Variants in ADAMTS6 observed in about 807,000 individuals in gnomAD.
The protein encoded by ADAMTS6 is ADAM metallopeptidase with thrombospondin type 1 motif 6.
Under a neutral mutation model 144.3 loss-of-function variants are expected in ADAMTS6, and 23 were observed. The ratio of observed to expected loss-of-function variants is 0.16; its 90% confidence interval spans 0.11 to 0.23. The LOEUF is 0.23. ADAMTS6 is among the 10% of genes least tolerant of loss of function. ADAMTS6 has a pLI of 1.00. For missense variants in ADAMTS6, 999 were observed against 1,379.6 expected, an observed-to-expected ratio of 0.72 and a Z score of 4.37; for synonymous variants, 444 against 457.5, an observed-to-expected ratio of 0.97 and a Z score of 0.38.
At chr5:65,157,670 C>G (rs1395081885) in intron 24 of ADAMTS6, among the ~76,000 whole-genome samples, 2 of 152,210 alleles carry the variant, frequency 1.3e-5, no homozygotes, top group Non-Finnish European at 2.9e-5. Context: ...GTGCTTCTGA[C>G]AAACTGCCCA....
chr5:65,439,948 G>A (rs1757738866), intron 7 of ADAMTS6, among the ~76,000 whole-genome samples: 1 of 152,134 alleles, frequency 6.6e-6, no homozygotes, highest in South Asian at 2.1e-4. Flanking sequence ...GGGACTACAG[G>A]CATGCGCCAC....
At chr5:65,160,245 G>T (rs902745313) in intron 24 of ADAMTS6, among the ~76,000 whole-genome samples, 4 of 152,060 alleles carry the variant, frequency 2.6e-5, no homozygotes, top group African/African-American at 9.7e-5. Context: ...CTGGAGGAAA[G>T]GGGATCCTCT....
At chr5:65,476,047 T>C (rs1008840088) in intron 1 of ADAMTS6, among the ~76,000 whole-genome samples, 1 of 2,806 alleles carries the variant, frequency 3.6e-4, no homozygotes, top group Non-Finnish European at 6.1e-4. Context: ...CAAAAGATTC[T>C]GACTTCCATC....
intron 4 of ADAMTS6, among the ~76,000 whole-genome samples, chr5:65,456,518 G>C (rs1312138468): frequency 6.6e-6 from 1 of 152,104 alleles, no homozygotes; most frequent in Non-Finnish European, 1.5e-5. Context: ...CTTCTGGACA[G>C]TTGGCCATAT....
At chr5:65,206,277 G>A (rs909700767) in intron 20 of ADAMTS6, among the ~76,000 whole-genome samples, 2 of 152,110 alleles carry the variant, frequency 1.3e-5, no homozygotes, top group Admixed American at 1.3e-4. Flanking sequence ...GATCAATATC[G>A]CTATGTTTCC....
intron 8 of ADAMTS6, 34 bp downstream of exon 8, chr5:65,334,008 A>AC (rs781126422): frequency 2.1e-4 from 274 of 1,320,112 alleles, no homozygotes; most frequent in South Asian, 3.5e-4. Flanking sequence ...AAAAAAAAAA[A>AC]AAAAAAAAAA....
intron 18 of ADAMTS6, 99 bp downstream of exon 18, chr5:65,224,221 A>G: frequency 3.2e-6 from 3 of 940,168 alleles, no homozygotes; most frequent in Non-Finnish European, 5.1e-6. Context: ...CATGAAAGTG[A>G]TCTACCTCAA....
intron 14 of ADAMTS6, among the ~76,000 whole-genome samples, chr5:65,255,371 G>C (rs1356132950): frequency 2.0e-5 from 3 of 152,094 alleles, no homozygotes; most frequent in Non-Finnish European, 1.5e-5. Flanking sequence ...AGCGGACACT[G>C]CACCCAGTGT....
chr5:65,381,529 AT>A (rs748143650), intron 7 of ADAMTS6, among the ~76,000 whole-genome samples: 1,855 of 102,984 alleles, frequency 0.018, 17 homozygotes, highest in East Asian at 0.038. Flanking sequence ...TGCCTGGCTA[AT>A]TTTTTTTTTT....
chr5:65,219,133 C>G (rs80155678), intron 18 of ADAMTS6, among the ~76,000 whole-genome samples: 1 of 152,076 alleles, frequency 6.6e-6, no homozygotes, highest in South Asian at 2.1e-4. Context: ...TTAAACCCAA[C>G]GATATTGATA....
At position 65,192,029 on chromosome 5, in the gene ADAMTS6, A is replaced by C. The variant is rs147972391; in HGVS notation, c.2706-3809T>G. Among the ~76,000 whole-genome samples, 944 of 152,190 alleles carry C rather than the reference A, an allele frequency of 6.2e-3. 4 individuals are homozygous for C. The highest frequency in any genetic ancestry group is 9.3e-3 in the Non-Finnish European group (631 of 67,938). On this transcript the variant is annotated intron_variant, in intron 21 of 24. Coordinates refer to ENST00000381055, the MANE Select transcript of ADAMTS6 (RefSeq NM_197941.4). ...TTTCTATGATTCTTCCTAGGTCTTA[A>C]ATTTTGGAGTTTTATAGATGACTCT...
intron 9 of ADAMTS6, among the ~76,000 whole-genome samples, chr5:65,325,920 G>A (rs546390782): frequency 2.0e-5 from 3 of 152,064 alleles, no homozygotes; most frequent in South Asian, 2.1e-4. Context: ...GAAAAAATCA[G>A]ACATATACAA....
At chr5:65,379,070 G>A (rs1751809724) in intron 7 of ADAMTS6, among the ~76,000 whole-genome samples, 1 of 152,024 alleles carries the variant, frequency 6.6e-6, no homozygotes. Context: ...GAAAACACAG[G>A]TAATCATTTA....
At position 65,423,467 on chromosome 5, in the gene ADAMTS6, T is replaced by G. The variant is rs535940873; in HGVS notation, c.1073+28008A>C. 2.6e-5 allele frequency among the ~76,000 whole-genome samples: 4 copies of G among 152,304 alleles called. No homozygotes were observed. The East Asian group carries it at 7.7e-4, about 29-fold the overall frequency. ...TAACAAAATTTGGATAAAACCCAAC[T>G]AATGTAGTAGATGGTAACTTACTTA... On this transcript the variant is annotated intron_variant, in intron 7 of 24. Coordinates refer to ENST00000381055, the MANE Select transcript of ADAMTS6 (RefSeq NM_197941.4).
intron 7 of ADAMTS6, among the ~76,000 whole-genome samples, chr5:65,343,270 A>G (rs1398394519): frequency 1.3e-5 from 2 of 152,140 alleles, no homozygotes; most frequent in Non-Finnish European, 2.9e-5. Flanking sequence ...AGATGGAGGC[A>G]CCATACTACC....
chr5:65,456,006 T>C (rs1759164118), intron 4 of ADAMTS6, among the ~76,000 whole-genome samples: 1 of 151,006 alleles, frequency 6.6e-6, no homozygotes, highest in Non-Finnish European at 1.5e-5. Flanking sequence ...AGGCATTTTA[T>C]ATATATCATA....
At chr5:65,453,059 G>T in intron 4 of ADAMTS6, 141 bp from the exon 5 acceptor site, 1 of 583,670 alleles carries the variant, frequency 1.7e-6, no homozygotes, top group Non-Finnish European at 2.7e-6. Flanking sequence ...ATGCAGTAGT[G>T]AGAAAAAAGT....
intron 1 of ADAMTS6, among the ~76,000 whole-genome samples, chr5:65,474,796 CAAAAAAAAA>C (rs11330695): frequency 3.8e-5 from 3 of 78,882 alleles, no homozygotes; most frequent in African/African-American, 1.3e-4. Context: ...AAACTGTGAC[CAAAAAAAAA>C]AAAAAAAAAA....
chr5:65,326,933 A>C (rs1179578673), intron 9 of ADAMTS6, among the ~76,000 whole-genome samples: 1 of 152,186 alleles, frequency 6.6e-6, no homozygotes, highest in Non-Finnish European at 1.5e-5. Flanking sequence ...ATTGAAAAAA[A>C]TAGTATGTTG....
Sources: gnomAD v4.1 joint callset for allele counts (sites outside exome capture counted in the v4.1 genomes callset) on GRCh38, gnomAD v4.1.1 for gene constraint, MANE v1.5 for transcripts, NCBI Gene and HGNC (gene_info 2026-07-23, HGNC 2026-07-21) for gene names.